The following AUTS2 variants were observed in gnomAD, a reference collection of about 807,000 sequenced individuals.
The protein encoded by AUTS2 is autism susceptibility gene 2 protein.
In AUTS2, 17 loss-of-function variants were observed where a neutral mutation model predicts 112.4. The observed-to-expected ratio is 0.15, with a 90% confidence interval of 0.10 to 0.23. AUTS2 has a LOEUF of 0.23. Ranked by LOEUF, AUTS2 falls within the 10% of genes least tolerant of loss-of-function variation. The pLI, the probability that AUTS2 is intolerant of heterozygous loss-of-function variation, is 1.00. For missense variants in AUTS2, 1,510 were observed against 1,701.6 expected, an observed-to-expected ratio of 0.89 and a Z score of 1.98; for synonymous variants, 751 against 702.7, an observed-to-expected ratio of 1.07 and a Z score of -1.09.
chr7:69,865,811 A>G (rs753830865), intron 1 of AUTS2, among the ~76,000 whole-genome samples: 1 of 152,112 alleles, frequency 6.6e-6, no homozygotes, highest in Non-Finnish European at 1.5e-5. Flanking sequence ...TTCCTGTCCA[A>G]ATTTTTCTCC....
chr7:70,628,316 A>ATATATATATATACATATATATATAG (rs1259268424), intron 5 of AUTS2, among the ~76,000 whole-genome samples: 15 of 50,902 alleles, frequency 2.9e-4, no homozygotes, highest in Non-Finnish European at 1.0e-4. Context: ...TTGCAAAACT[A>ATATATATATATACATATATATATAG]TATATATATA....
intron 5 of AUTS2, among the ~76,000 whole-genome samples, chr7:70,597,738 G>A (rs1314531306): frequency 6.6e-6 from 1 of 152,160 alleles, no homozygotes; most frequent in South Asian, 2.1e-4. Flanking sequence ...ACCCTACATT[G>A]GGATGCACAT....
intron 1 of AUTS2, among the ~76,000 whole-genome samples, chr7:69,714,379 A>G (rs1039480689): frequency 2.6e-5 from 4 of 151,856 alleles, no homozygotes; most frequent in Non-Finnish European, 5.9e-5. Context: ...AAGTATTGAG[A>G]TTACAGGTAT....
At chr7:69,954,212 C>A (rs924215068) in intron 2 of AUTS2, among the ~76,000 whole-genome samples, 10 of 152,138 alleles carry the variant, frequency 6.6e-5, no homozygotes, top group Non-Finnish European at 5.9e-5. Context: ...TATCTACCTT[C>A]TTAGCAAATT....
intron 4 of AUTS2, among the ~76,000 whole-genome samples, chr7:70,328,384 G>T (rs1790588694): frequency 1.3e-5 from 2 of 152,000 alleles, no homozygotes; most frequent in South Asian, 4.2e-4. Context: ...ACCACACCTG[G>T]TTTATTATTT....
intron 5 of AUTS2, among the ~76,000 whole-genome samples, chr7:70,501,201 A>G (rs1407502974): frequency 6.6e-6 from 1 of 152,356 alleles, no homozygotes; most frequent in East Asian, 1.9e-4. Flanking sequence ...AAGTAAAAAT[A>G]TCTCGGGCAA....
intron 4 of AUTS2, chr7:70,294,127 G>T (rs1261716500): frequency 1.3e-5 from 2 of 152,132 alleles, no homozygotes; most frequent in Non-Finnish European, 2.9e-5. Flanking sequence ...CTGAAAATGG[G>T]TTTTACAGTT....
At position 70,586,852 on chromosome 7, in the gene AUTS2, C is replaced by G. The variant is rs561082906; in HGVS notation, c.691-111717C>G. 6.7e-4 allele frequency among the ~76,000 whole-genome samples: 102 copies of G among 152,260 alleles called. 2 individuals carry two copies. The South Asian group carries it at 0.017, about 25-fold the overall frequency. On this transcript the variant is annotated intron_variant, in intron 5 of 18. Transcript: ENST00000342771. The stretch of plus-strand genomic sequence containing the variant: ...TATTTTACTCTTCCTCCAACAATTG[C>G]AATAACTTGGATACTTTCTCTTCAC...
chr7:70,189,843 A>G (rs929407721), intron 4 of AUTS2, among the ~76,000 whole-genome samples: 7 of 152,050 alleles, frequency 4.6e-5, no homozygotes, highest in African/African-American at 7.2e-5. Flanking sequence ...TACATTGACT[A>G]TCGTTAGCCA....
intron 5 of AUTS2, among the ~76,000 whole-genome samples, chr7:70,692,934 C>T (rs1426023075): frequency 6.6e-6 from 1 of 152,190 alleles, no homozygotes; most frequent in Non-Finnish European, 1.5e-5. Flanking sequence ...TTCCTCTCTT[C>T]CTCCAGCCAC....
At chr7:70,704,278 C>T (rs1809619780) in intron 6 of AUTS2, among the ~76,000 whole-genome samples, 1 of 152,184 alleles carries the variant, frequency 6.6e-6, no homozygotes, top group South Asian at 2.1e-4. Flanking sequence ...TCCAGGCATT[C>T]GAAGTGATCT....
chr7:70,525,428 G>C (rs1477812186), intron 5 of AUTS2, among the ~76,000 whole-genome samples: 1 of 152,104 alleles, frequency 6.6e-6, no homozygotes, highest in Non-Finnish European at 1.5e-5. Flanking sequence ...ATGAATGAAT[G>C]AATGAATGAA....
chr7:70,391,353 A>G (rs11762022), intron 4 of AUTS2, among the ~76,000 whole-genome samples: 14,472 of 152,248 alleles, frequency 0.095, 781 homozygotes, highest in Middle Eastern at 0.19. Context: ...TGTGTTTTAG[A>G]TGCTCAGAAC....
chr7:70,060,376 G>A (rs1318459078), intron 2 of AUTS2, among the ~76,000 whole-genome samples: 1 of 152,158 alleles, frequency 6.6e-6, no homozygotes, highest in Non-Finnish European at 1.5e-5. Context: ...CAAAAGTATA[G>A]CAGCCTCAGC....
At chr7:70,509,281 G>A (rs753779523) in intron 5 of AUTS2, among the ~76,000 whole-genome samples, 1 of 152,210 alleles carries the variant, frequency 6.6e-6, no homozygotes, top group Non-Finnish European at 1.5e-5. Flanking sequence ...TGGTGGGAGA[G>A]AGACTTGGGA....
intron 6 of AUTS2, among the ~76,000 whole-genome samples, chr7:70,710,722 C>T (rs895218215): frequency 5.3e-5 from 8 of 152,192 alleles, no homozygotes; most frequent in Non-Finnish European, 1.0e-4. Flanking sequence ...GGGAAAATTC[C>T]ACTTGTCTGG....
chr7:70,623,501 A>G (rs142538942), intron 5 of AUTS2, among the ~76,000 whole-genome samples: 362 of 152,320 alleles, frequency 2.4e-3, no homozygotes, highest in Non-Finnish European at 4.4e-3. Context: ...TTTAAACATC[A>G]GTTCCTCAGT....
chr7:70,449,424 G>A (rs6970184), intron 5 of AUTS2, among the ~76,000 whole-genome samples: 21,082 of 152,168 alleles, frequency 0.14, 1,504 homozygotes, highest in Middle Eastern at 0.18. Context: ...ACCTGGATTG[G>A]TCAGTTATGG....
At chr7:69,722,756 A>T (rs1027577789) in intron 1 of AUTS2, among the ~76,000 whole-genome samples, 16 of 152,126 alleles carry the variant, frequency 1.1e-4, no homozygotes, top group Non-Finnish European at 2.4e-4. Context: ...AGAACAAAGT[A>T]TGCTGCTTGG....
Sources: allele counts gnomAD v4.1 joint callset (sites outside exome capture counted in the v4.1 genomes callset), GRCh38; gene constraint gnomAD v4.1.1; transcripts MANE v1.5; gene names NCBI Gene and HGNC (gene_info 2026-07-23, HGNC 2026-07-21).